The following EEA1 variants were observed in gnomAD, a reference collection of about 807,000 sequenced individuals.
EEA1 encodes early endosome antigen 1, 162kD.
Under a neutral mutation model 209.2 loss-of-function variants are expected in EEA1, and 111 were observed. That is an observed-to-expected ratio of 0.53 (90% CI 0.45 to 0.62). EEA1 has a LOEUF of 0.62. Among genes scored for constraint, EEA1 ranks in the 20% least tolerant of loss-of-function variants. The pLI is 0.00. For missense variants in EEA1, 1,343 were observed against 1,530.8 expected, an observed-to-expected ratio of 0.88 and a Z score of 2.05; for synonymous variants, 536 against 540.6, an observed-to-expected ratio of 0.99 and a Z score of 0.12.
At chr12:92,915,718 T>C in intron 1 of EEA1, among the ~76,000 whole-genome samples, 1 of 152,228 alleles carries the variant, frequency 6.6e-6, no homozygotes, top group Non-Finnish European at 1.5e-5. Context: ...GCCTAACTTT[T>C]CTAATCTCAA....
chr12:92,852,436 T>C, intron 7 of EEA1, 140 bp from the exon 8 acceptor site: 2 of 499,010 alleles, frequency 4.0e-6, no homozygotes, highest in Non-Finnish European at 6.4e-6. Flanking sequence ...ACAGTAAATT[T>C]ATACTTCTAA....
chr12:92,813,466 T>A (rs573356541), intron 15 of EEA1, among the ~76,000 whole-genome samples: 13 of 152,290 alleles, frequency 8.5e-5, no homozygotes, highest in African/African-American at 3.1e-4. Flanking sequence ...AAAAAATGAT[T>A]ACTCCGAAGA....
In EEA1 at chr12:92,874,396, C is replaced by T. The variant is rs563880104; in HGVS notation, c.118-9409G>A. Among the ~76,000 whole-genome samples the T allele has an allele frequency of 4.4e-4, 67 of 152,338 alleles. No individual in the cohort carries two copies. The South Asian group carries it at 7.9e-3, about 18-fold the overall frequency. ...TTTTGTATTGTTTGAGACAGAGTCTCGCTCTGTCACCCAGGCTGGAGTGCA... is the reference window on the plus strand; with the variant it reads ...TTTTGTATTGTTTGAGACAGAGTCTTGCTCTGTCACCCAGGCTGGAGTGCA... On this transcript the variant is annotated intron_variant, in intron 2 of 28. Transcript: ENST00000322349.
At chr12:92,883,927 G>A (rs1879274372) in intron 2 of EEA1, 1 of 1,547,422 alleles carries the variant, frequency 6.5e-7, no homozygotes. Flanking sequence ...TCCAAACACA[G>A]AGCACTCCAG....
Position 92,918,649 on chromosome 12 carries a change from A to G in EEA1, c.24+10394T>C, listed in dbSNP as rs1046204584. Among the ~76,000 whole-genome samples, 6 of 104,070 alleles carry G rather than the reference A, an allele frequency of 5.8e-5. 1 individual carries two copies. The highest frequency in any genetic ancestry group is 2.2e-4 in the African/African-American group (5 of 22,276). The allele number at this position is 104,070 out of a possible 152,430, so 68.3% of individuals were successfully genotyped here. On this transcript the variant is annotated intron_variant, in intron 1 of 28. Coordinates refer to ENST00000322349, the MANE Select transcript of EEA1 (RefSeq NM_003566.4). ...ATGCCCACAAGAGAAAGCAGGAAAG[A>G]TCCAAAATTGACACCCTAACATCAC...
chr12:92,798,834 C>A lies in EEA1; in HGVS notation c.2967+58G>T, dbSNP rs1268058706. ...TTATCCATCTGTATTAATCATCATA[C>A]TATTTTCTTAATTGCCAAGTTTTTC... On this transcript the variant is annotated intron_variant, in intron 21 of 28. Coordinates refer to ENST00000322349, the MANE Select transcript of EEA1 (RefSeq NM_003566.4). 5.9e-6 allele frequency: 8 copies of A among 1,344,644 alleles called. No individual in the cohort carries two copies. The African/African-American group carries it at 1.0e-4, about 17-fold the overall frequency. 83.3% of individuals were successfully genotyped at this position (1,344,644 alleles called of 1,614,324 possible). A position where few individuals can be genotyped will look rare whatever the true frequency, so the allele number is the denominator to read the frequency against.
intron 10 of EEA1, chr12:92,835,361 T>G: frequency 3.2e-6 from 1 of 311,124 alleles, no homozygotes; most frequent in Non-Finnish European, 6.4e-6. Flanking sequence ...AACCAACTAA[T>G]CCCACCTTTC....
intron 2 of EEA1, among the ~76,000 whole-genome samples, chr12:92,868,079 T>C (rs902845093): frequency 6.6e-6 from 1 of 152,188 alleles, no homozygotes; most frequent in Non-Finnish European, 1.5e-5. Context: ...CAACAGGTGA[T>C]AAATGCAATA....
chr12:92,815,924 CCAGAGACAGAGAGA>C (rs764781275), intron 15 of EEA1, among the ~76,000 whole-genome samples: 1 of 149,070 alleles, frequency 6.7e-6, no homozygotes, highest in Non-Finnish European at 1.5e-5. Flanking sequence ...AGAGCAAGAG[CCAGAGACAGAGAGA>C]CAGAGACAGA....
rs1024895442 is a variant in EEA1 at position 92,859,313 on chromosome 12, G to C, written c.246-1828C>G. 49 of 1,378,664 alleles carry C rather than the reference G, an allele frequency of 3.6e-5. No homozygotes were observed. The African/African-American group carries it at 6.7e-4, about 19-fold the overall frequency. The allele number at this position is 1,378,664 out of a possible 1,614,324, so 85.4% of individuals were successfully genotyped here. ...TTTTTCCCCATACTTGTTGGCAAAG[G>C]CAACAGAGAAGCCTTCAAGCTCTGA... On this transcript the variant is annotated intron_variant, in intron 3 of 28. Transcript: ENST00000322349.
chr12:92,805,780 A>G (rs987307114), intron 18 of EEA1, among the ~76,000 whole-genome samples: 1 of 152,198 alleles, frequency 6.6e-6, no homozygotes, highest in Non-Finnish European at 1.5e-5. Context: ...ATGGCTATAT[A>G]TGTTCAGAAG....
chr12:92,840,485 G>C (rs1877120442), intron 10 of EEA1, among the ~76,000 whole-genome samples: 1 of 152,062 alleles, frequency 6.6e-6, no homozygotes, highest in African/African-American at 2.4e-5. Context: ...GCTAATTTTT[G>C]TATTTTTAAT....
At position 92,917,155 on chromosome 12, in the gene EEA1, G is replaced by A. The variant is rs865974449; in HGVS notation, c.24+11888C>T. 6.2e-3 allele frequency among the ~76,000 whole-genome samples: 862 copies of A among 140,084 alleles called. 14 individuals carry two copies. Among genetic ancestry groups the A allele is most frequent in the African/African-American group, 0.022 (790 of 35,914 alleles). The allele number at this position is 140,084 out of a possible 152,430, so 91.9% of individuals were successfully genotyped here. A position where few individuals can be genotyped will look rare whatever the true frequency, so the allele number is the denominator to read the frequency against. On this transcript the variant is annotated intron_variant, in intron 1 of 28. Transcript: ENST00000322349. ...AAAGTGATGGGGAGAATGGAACCAA[G>A]TTGGAAAACACTCTGCAGGATATTA...
chr12:92,822,140 A>G (rs1876084802), intron 13 of EEA1, among the ~76,000 whole-genome samples: 1 of 151,840 alleles, frequency 6.6e-6, no homozygotes. Context: ...GTTACCTCGT[A>G]GCTTCTTAAC....
At chr12:92,914,879 G>C (rs997903198) in intron 1 of EEA1, among the ~76,000 whole-genome samples, 1 of 151,622 alleles carries the variant, frequency 6.6e-6, no homozygotes, top group Non-Finnish European at 1.5e-5. Context: ...GGCCAGGCTG[G>C]TCTTGAACTC....
Position 92,817,413 on chromosome 12 carries a change from C to A in EEA1, c.1729-1013G>T, listed in dbSNP as rs556156571. Among the ~76,000 whole-genome samples, 232 of 152,062 alleles carry A rather than the reference C, an allele frequency of 1.5e-3. 1 individual carries two copies. Among genetic ancestry groups the A allele is most frequent in the African/African-American group, 5.1e-3 (211 of 41,472 alleles). ...TAAGAGACAGGGTCTCACTCCGTCACCCAGGCTGGAGTGCAGTAGCACAGT... is the reference window on the plus strand; with the variant it reads ...TAAGAGACAGGGTCTCACTCCGTCAACCAGGCTGGAGTGCAGTAGCACAGT... On this transcript the variant is annotated intron_variant, in intron 14 of 28. Coordinates refer to ENST00000322349, the MANE Select transcript of EEA1 (RefSeq NM_003566.4).
intron 10 of EEA1, among the ~76,000 whole-genome samples, chr12:92,838,915 T>G (rs185456537): frequency 6.6e-6 from 1 of 152,268 alleles, no homozygotes; most frequent in South Asian, 2.1e-4. Flanking sequence ...AGCCACACTT[T>G]TTTTTTTATG....
At chr12:92,845,598 A>G (rs1319236974) in intron 9 of EEA1, among the ~76,000 whole-genome samples, 3 of 152,184 alleles carry the variant, frequency 2.0e-5, no homozygotes, top group East Asian at 1.9e-4. Context: ...TCTCACACAT[A>G]TCCTCCATGA....
At chr12:92,839,003 G>T (rs1202961733) in intron 10 of EEA1, among the ~76,000 whole-genome samples, 2 of 152,026 alleles carry the variant, frequency 1.3e-5, no homozygotes, top group Non-Finnish European at 2.9e-5. Flanking sequence ...TCACTTTAAA[G>T]AATAGAATTG....
Sources: allele counts gnomAD v4.1 joint callset (sites outside exome capture counted in the v4.1 genomes callset), GRCh38; gene constraint gnomAD v4.1.1; transcripts MANE v1.5; gene names NCBI Gene and HGNC (gene_info 2026-07-23, HGNC 2026-07-21).